Variants in SENP7 observed in about 807,000 individuals in gnomAD.
SENP7 encodes sentrin-specific protease 7.
SENP7 carries 64 observed loss-of-function variants against 141.2 expected under a neutral mutation model. The observed-to-expected ratio is 0.45, with a 90% CI of 0.37 to 0.56. The LOEUF (loss-of-function observed/expected upper bound fraction) is 0.56, where lower values mean the gene tolerates loss of function less well. Ranked by LOEUF, SENP7 falls within the 20% of genes least tolerant of loss-of-function variation. SENP7 has a pLI of 0.00. For synonymous variants in SENP7, 382 were observed against 426.4 expected, an observed-to-expected ratio of 0.90 and a Z score of 1.28; for missense variants, 1,025 against 1,212.2, an observed-to-expected ratio of 0.85 and a Z score of 2.29.
intron 4 of SENP7, among the ~76,000 whole-genome samples, chr3:101,430,832 C>T (rs1013501576): frequency 5.3e-5 from 8 of 152,196 alleles, no homozygotes; most frequent in African/African-American, 1.9e-4. Flanking sequence ...CTATAAATTT[C>T]CCTCTACACA....
At chr3:101,341,945 A>G (rs559819298) in intron 14 of SENP7, among the ~76,000 whole-genome samples, 166 bp from the exon 15 acceptor site, 24 of 152,374 alleles carry the variant, frequency 1.6e-4, no homozygotes, top group African/African-American at 5.8e-4. Context: ...AATACTGGTG[A>G]TGAAAAGATA....
At chr3:101,358,205 G>A (rs2059795666) in intron 11 of SENP7, 1 of 679,838 alleles carries the variant, frequency 1.5e-6, no homozygotes, top group African/African-American at 1.9e-5. Flanking sequence ...CCTTCACCTG[G>A]TTTAGTCAAG....
chr3:101,333,128 AC>A (rs2059097911), intron 17 of SENP7: 1 of 396,758 alleles, frequency 2.5e-6, no homozygotes, highest in Non-Finnish European at 4.4e-6. Context: ...TGGCTGTGCA[AC>A]TTAGTATAAA....
At position 101,493,962 on chromosome 3, in the gene SENP7, T is replaced by C; in HGVS notation, c.97A>G (p.Lys33Glu). The C allele has an allele frequency of 6.3e-7, 1 of 1,596,656 alleles. No homozygotes were observed. Residue 33 changes from lysine to glutamate, a missense_variant, in exon 3 of 24, where the codon AAG (lysine) becomes GAG (glutamate). Lys to Glu is a moderately conservative substitution (Grantham distance 56, BLOSUM62 1). This residue lies in a region of SENP7 where 496 missense variants were observed against 503.5 expected (regional missense o/e 0.99). Coordinates refer to ENST00000394095, the MANE Select transcript of SENP7 (RefSeq NM_020654.5). ...TCCTCTGGTTTTGCATTTAACATCT[T>C]TCTTATCTGAAAATAGGATGAGAAA... ...KSSSDLSEIR[K>E]MLNAKPEDVH...
intron 4 of SENP7, among the ~76,000 whole-genome samples, chr3:101,426,052 G>A (rs2107690166): frequency 6.6e-6 from 1 of 152,314 alleles, no homozygotes; most frequent in South Asian, 2.1e-4. Flanking sequence ...ACCTGAAAGA[G>A]ATGGAGAGAT....
chr3:101,473,035 G>T (rs544419447), intron 3 of SENP7, among the ~76,000 whole-genome samples: 3 of 152,146 alleles, frequency 2.0e-5, no homozygotes, highest in African/African-American at 2.4e-5. Context: ...CCATTAGTTT[G>T]CTAAGGATAA....
Position 101,338,973 on chromosome 3 carries a change from A to G in SENP7, c.2357+1122T>C, listed in dbSNP as rs1333943219. Among the ~76,000 whole-genome samples, 7 of 152,230 alleles carry G rather than the reference A, an allele frequency of 4.6e-5. No individual in the cohort carries two copies. The East Asian group carries it at 1.3e-3, about 29-fold the overall frequency. On this transcript the variant is annotated intron_variant, in intron 16 of 23. Transcript: ENST00000394095. Reference sequence around the variant, plus strand: ...CAGCACCCAATCAAAAAATTACCAGACATGCAAAAGTGCAAAGAAATGACT... The same window carrying G: ...CAGCACCCAATCAAAAAATTACCAGGCATGCAAAAGTGCAAAGAAATGACT...
intron 4 of SENP7, among the ~76,000 whole-genome samples, chr3:101,433,200 A>T (rs2062249359): frequency 6.6e-6 from 1 of 152,252 alleles, no homozygotes; most frequent in East Asian, 1.9e-4. Context: ...GTTAACATAA[A>T]GGGTAATAAG....
chr3:101,381,424 T>C (rs1223042722), intron 6 of SENP7, among the ~76,000 whole-genome samples: 1 of 152,146 alleles, frequency 6.6e-6, no homozygotes, highest in African/African-American at 2.4e-5. Flanking sequence ...CTATTTTTCA[T>C]GATTATAATC....
At chr3:101,370,816 C>A (rs2060157837) in intron 7 of SENP7, among the ~76,000 whole-genome samples, 1 of 152,140 alleles carries the variant, frequency 6.6e-6, no homozygotes, top group South Asian at 2.1e-4. Flanking sequence ...ATAAGAGTTT[C>A]AGCTGGTTTC....
Position 101,354,592 on chromosome 3 carries a change from C to CT in SENP7, c.1624-2942dup, listed in dbSNP as rs1220523062. On this transcript the variant is annotated intron_variant, in intron 11 of 23. Transcript: ENST00000394095. ...TTCCCGCAAAAGACATGATCTTATT[C>CT]TTTTCCTAGCTGCATAGTACTCCCA... 2.0e-5 allele frequency among the ~76,000 whole-genome samples: 3 copies of CT among 148,566 alleles called. No homozygotes were observed. The East Asian group carries it at 5.8e-4, about 29-fold the overall frequency.
intron 3 of SENP7, among the ~76,000 whole-genome samples, chr3:101,467,621 T>C (rs940096451): frequency 6.6e-6 from 1 of 152,226 alleles, no homozygotes; most frequent in Admixed American, 6.5e-5. Context: ...GGGACCTGAC[T>C]GTTAGAAGGA....
intron 4 of SENP7, among the ~76,000 whole-genome samples, chr3:101,455,796 A>AT (rs1213178462): frequency 6.6e-6 from 1 of 152,160 alleles, no homozygotes; most frequent in Non-Finnish European, 1.5e-5. Flanking sequence ...AACTGTCATA[A>AT]TCCAGTTTCA....
intron 1 of SENP7, 52 bp from the exon 2 acceptor site, chr3:101,501,171 TAAAC>T (rs2065363656): frequency 8.2e-7 from 1 of 1,218,214 alleles, no homozygotes; most frequent in African/African-American, 1.5e-5. Flanking sequence ...CTAAATGAGA[TAAAC>T]AGTTTGACAA....
chr3:101,364,412 A>G (rs1052577453), intron 10 of SENP7, among the ~76,000 whole-genome samples: 2 of 152,196 alleles, frequency 1.3e-5, no homozygotes, highest in Non-Finnish European at 2.9e-5. Flanking sequence ...TTTCTGACCT[A>G]TATCTCCAAA....
At chr3:101,351,343 A>T (rs915962557) in intron 12 of SENP7, among the ~76,000 whole-genome samples, 1 of 151,850 alleles carries the variant, frequency 6.6e-6, no homozygotes, top group Non-Finnish European at 1.5e-5. Context: ...TACTATTGTT[A>T]TCCATTTTTA....
intron 5 of SENP7, chr3:101,414,704 T>TTA (rs1477763192): frequency 1.4e-6 from 1 of 723,126 alleles, no homozygotes; most frequent in Non-Finnish European, 2.1e-6. Context: ...GGAACTTTAG[T>TTA]ATTTTAAGCA....
chr3:101,452,945 A>C (rs2063201904), intron 4 of SENP7, among the ~76,000 whole-genome samples: 1 of 152,238 alleles, frequency 6.6e-6, no homozygotes, highest in Non-Finnish European at 1.5e-5. Flanking sequence ...AGAATGGGAG[A>C]AAATTTTTGC....
chr3:101,482,189 T>C (rs1214508088), intron 3 of SENP7, among the ~76,000 whole-genome samples: 1 of 151,918 alleles, frequency 6.6e-6, no homozygotes, highest in Non-Finnish European at 1.5e-5. Context: ...GGCGGGCACC[T>C]GTAGTCCCAA....
Sources: allele counts gnomAD v4.1 joint callset (sites outside exome capture counted in the v4.1 genomes callset), GRCh38; gene constraint gnomAD v4.1.1; regional missense constraint gnomAD v4.1.1; transcripts MANE v1.5; gene names NCBI Gene and HGNC (gene_info 2026-07-23, HGNC 2026-07-21).